CFAP70: variants seen among roughly 807,000 people sequenced by gnomAD.
The protein encoded by CFAP70 is cilia- and flagella-associated protein 70.
Under a neutral mutation model 137.6 loss-of-function variants are expected in CFAP70, and 81 were observed. The ratio of observed to expected loss-of-function variants is 0.59; its 90% CI spans 0.49 to 0.71. CFAP70 has a LOEUF of 0.71. Ranked by LOEUF, CFAP70 falls within the 30% of genes least tolerant of loss-of-function variation. The probability of loss-of-function intolerance (pLI) is 0.00; values close to 1 mark genes in which losing one functional copy is unlikely to be tolerated. For missense variants in CFAP70, 976 were observed against 1,226.7 expected (o/e 0.80, Z 3.05); for synonymous variants, 382 against 423.6 (o/e 0.90, Z 1.20).
exon 27 of CFAP70, chr10:73,254,012 A>G (rs1354342264): frequency 6.2e-7 from 1 of 1,606,214 alleles, no homozygotes. Context: ...TGTTTCCTGT[A>G]GTGTGTGGAT....
At chr10:73,351,069 GTGTATATATATATATATATATATATATA>G (rs1325784013) in intron 3 of CFAP70, among the ~76,000 whole-genome samples, 33 of 50,560 alleles carry the variant, frequency 6.5e-4, no homozygotes, top group South Asian at 2.6e-3. Flanking sequence ...GTGTGTGTGT[GTGTATATATATATATATATATATATATA>G]TATATATATA....
intron 20 of CFAP70, 89 bp from the exon 22 acceptor site, chr10:73,277,450 C>T (rs1329233848): frequency 2.1e-6 from 3 of 1,444,974 alleles, no homozygotes; most frequent in Non-Finnish European, 2.8e-6. Context: ...TGCGGTGGCT[C>T]ACGCCTGTAA....
intron 23 of CFAP70, among the ~76,000 whole-genome samples, chr10:73,273,367 C>A (rs1368633644): frequency 6.6e-6 from 1 of 152,230 alleles, no homozygotes; most frequent in Admixed American, 6.5e-5. Context: ...AATGCAACAT[C>A]ATGTGGTGGC....
chr10:73,359,184 T>C (rs778363112), upstream of CFAP70, among the ~76,000 whole-genome samples: 10 of 152,294 alleles, frequency 6.6e-5, no homozygotes, highest in East Asian at 1.3e-3. Context: ...TGCTCAATAT[T>C]TGTACAATAA....
chr10:73,312,527 T>G, exon 10 of CFAP70: 2 of 1,613,108 alleles, frequency 1.2e-6, no homozygotes, highest in Non-Finnish European at 1.7e-6. Context: ...CTGGTTTATC[T>G]TCTTTCAGAT....
chr10:73,289,244 T>C (rs1237597236), intron 19 of CFAP70, among the ~76,000 whole-genome samples: 1 of 152,120 alleles, frequency 6.6e-6, no homozygotes, highest in Admixed American at 6.5e-5. Flanking sequence ...GAGACATACT[T>C]AAACTTTAGA....
chr10:73,314,834 G>A (rs1450116405), intron 9 of CFAP70, among the ~76,000 whole-genome samples: 1 of 151,828 alleles, frequency 6.6e-6, no homozygotes, highest in Non-Finnish European at 1.5e-5. Flanking sequence ...TCAAACTCCT[G>A]GCCTCAATGA....
chr10:73,280,542 C>G (rs1357460189), intron 19 of CFAP70, among the ~76,000 whole-genome samples: 1 of 152,044 alleles, frequency 6.6e-6, no homozygotes, highest in African/African-American at 2.4e-5. Flanking sequence ...ACTAATAAAG[C>G]CTTTTGGGCC....
intron 19 of CFAP70, among the ~76,000 whole-genome samples, chr10:73,282,698 G>A (rs1473920372): frequency 6.6e-6 from 1 of 151,266 alleles, no homozygotes; most frequent in Non-Finnish European, 1.5e-5. Flanking sequence ...ACCATGCCCA[G>A]CTAATAAGTT....
chr10:73,323,378 T>C (rs1431348206), intron 8 of CFAP70, among the ~76,000 whole-genome samples: 1 of 148,038 alleles, frequency 6.8e-6, no homozygotes. Context: ...CTCCGGTCTA[T>C]AGCTCCCAGC....
intron 16 of CFAP70, 39 bp downstream of exon 17, chr10:73,293,224 C>T: frequency 6.4e-7 from 1 of 1,567,410 alleles, no homozygotes; most frequent in Non-Finnish European, 8.6e-7. Context: ...CCATATTTCA[C>T]AAATAATAGT....
At chr10:73,354,395 T>G (rs1233090365) in intron 2 of CFAP70, among the ~76,000 whole-genome samples, 3 of 152,234 alleles carry the variant, frequency 2.0e-5, no homozygotes, top group Admixed American at 6.5e-5. Flanking sequence ...TGTTGTTGTT[T>G]TTTTAATTAA....
At chr10:73,256,606 T>A (rs12240570) in intron 25 of CFAP70, among the ~76,000 whole-genome samples, 190 bp from the exon 27 acceptor site, 16,012 of 151,934 alleles carry the variant, frequency 0.11, 1,202 homozygotes, top group East Asian at 0.3. Flanking sequence ...GGTTTTTTTT[T>A]TAAAAAATTC....
intron 12 of CFAP70, among the ~76,000 whole-genome samples, chr10:73,300,367 T>C (rs537592056): frequency 6.6e-6 from 1 of 152,306 alleles, no homozygotes; most frequent in South Asian, 2.1e-4. Flanking sequence ...TCACAAAATC[T>C]ATTTTTCTTA....
intron 3 of CFAP70, among the ~76,000 whole-genome samples, chr10:73,351,364 C>T (rs1306808215): frequency 6.6e-6 from 1 of 151,834 alleles, no homozygotes; most frequent in Non-Finnish European, 1.5e-5. Context: ...GTGATCTGCC[C>T]GCCTTGGCCT....
At chr10:73,339,091 G>A (rs748727604) in intron 6 of CFAP70, among the ~76,000 whole-genome samples, 1 of 151,810 alleles carries the variant, frequency 6.6e-6, no homozygotes, top group Admixed American at 6.6e-5. Context: ...GCTAAGTTTT[G>A]TATTTTTAGT....
At chr10:73,260,282 T>A (rs752381967) in intron 25 of CFAP70, among the ~76,000 whole-genome samples, 3 of 152,088 alleles carry the variant, frequency 2.0e-5, no homozygotes, top group Non-Finnish European at 4.4e-5. Flanking sequence ...GAGCCCAGGA[T>A]CGTCCCACTG....
chr10:73,306,903 G>C (rs993416189), intron 12 of CFAP70, among the ~76,000 whole-genome samples: 4 of 152,102 alleles, frequency 2.6e-5, no homozygotes, highest in African/African-American at 9.7e-5. Flanking sequence ...TCAGATGAAG[G>C]AATAAAGAAC....
At chr10:73,355,300 A>T (rs1205205189) in intron 1 of CFAP70, among the ~76,000 whole-genome samples, 1 of 152,180 alleles carries the variant, frequency 6.6e-6, no homozygotes, top group Non-Finnish European at 1.5e-5. Context: ...GCAGCATTAT[A>T]TTCTCACAGG....
Sources: allele counts gnomAD v4.1 joint callset (sites outside exome capture counted in the v4.1 genomes callset), GRCh38; gene constraint gnomAD v4.1.1; transcripts MANE v1.5; gene names NCBI Gene and HGNC (gene_info 2026-07-23, HGNC 2026-07-21).